Variants in CTDP1 observed in about 807,000 individuals in gnomAD.
The protein encoded by CTDP1 is CTD phosphatase 1.
CTDP1 carries 47 observed loss-of-function variants against 91.8 expected under a neutral mutation model. That is an observed-to-expected ratio of 0.51 (90% confidence interval 0.41 to 0.65). The LOEUF is 0.65. Among genes scored for constraint, CTDP1 ranks in the 30% least tolerant of loss-of-function variants. The probability of loss-of-function intolerance (pLI) is 0.00; values close to 1 mark genes in which losing one functional copy is unlikely to be tolerated. For synonymous variants in CTDP1, 656 were observed against 598.5 expected, an observed-to-expected ratio of 1.10 and a Z score of -1.40; for missense variants, 1,272 against 1,373.7, an observed-to-expected ratio of 0.93 and a Z score of 1.17.
At chr18:79,680,358 C>G in intron 1 of CTDP1, 97 bp downstream of exon 1, 1 of 1,031,232 alleles carries the variant, frequency 9.7e-7, no homozygotes, top group Non-Finnish European at 1.2e-6. Context: ...GGCAGGGGCG[C>G]CCCTGGTGAG....
At chr18:79,701,076 T>C (rs2055989785) in intron 4 of CTDP1, among the ~76,000 whole-genome samples, 2 of 152,230 alleles carry the variant, frequency 1.3e-5, no homozygotes, top group African/African-American at 4.8e-5. Context: ...TTCCTGCTCA[T>C]TGACCATGCA....
chr18:79,714,535 G>C lies in CTDP1; in HGVS notation c.1075G>C (p.Val359Leu), dbSNP rs530388928. The change falls in exon 8 of 13, where the codon GTG becomes CTG. Residue 359 changes from valine to leucine, a missense_variant. Around this residue, in one of 3 missense-constraint regions of CTDP1, gnomAD observed 881 missense variants for 911.6 expected, o/e 0.97. Coordinates refer to ENST00000613122, the MANE Select transcript of CTDP1 (RefSeq NM_004715.5). ...GTEVSEPSPPVRDPEGVTQAP... is the reference protein window; with the variant it reads ...GTEVSEPSPPLRDPEGVTQAP... ...TGAGGTCTCAGAGCCATCTCCGCCC[G>C]TGAGAGACCCTGAGGGGGTAACGCA... 1.9e-6 allele frequency: 3 copies of C among 1,613,158 alleles called. No homozygotes were observed. The highest frequency in any genetic ancestry group is 2.5e-6 in the Non-Finnish European group (3 of 1,180,020).
At chr18:79,687,799 C>G (rs1195185630) in intron 1 of CTDP1, among the ~76,000 whole-genome samples, 1 of 152,218 alleles carries the variant, frequency 6.6e-6, no homozygotes, top group African/African-American at 2.4e-5. Context: ...CCATGGCTCC[C>G]TGGGGTCTGT....
chr18:79,704,497 CAT>C (rs936104431), intron 4 of CTDP1, among the ~76,000 whole-genome samples: 11 of 151,956 alleles, frequency 7.2e-5, no homozygotes, highest in Admixed American at 3.9e-4. Context: ...TACATGCTCA[CAT>C]GTGTCCTCTG....
intron 1 of CTDP1, among the ~76,000 whole-genome samples, chr18:79,684,550 C>T (rs1268124611): frequency 6.6e-6 from 1 of 151,668 alleles, no homozygotes; most frequent in African/African-American, 2.4e-5. Flanking sequence ...CAAGGTGGGT[C>T]CCTGCTCTTG....
At chr18:79,704,010 C>T (rs2085912460) in intron 4 of CTDP1, among the ~76,000 whole-genome samples, 1 of 151,850 alleles carries the variant, frequency 6.6e-6, no homozygotes, top group Admixed American at 6.6e-5. Context: ...CATGTAGTTA[C>T]CGTAGGCTGT....
chr18:79,703,389 C>G (rs941244269), intron 4 of CTDP1, among the ~76,000 whole-genome samples: 1 of 152,062 alleles, frequency 6.6e-6, no homozygotes, highest in Non-Finnish European at 1.5e-5. Flanking sequence ...TTTAAAGGAT[C>G]GAAGTTTAGC....
intron 5 of CTDP1, among the ~76,000 whole-genome samples, chr18:79,708,489 G>A (rs1013752182): frequency 2.6e-5 from 4 of 152,222 alleles, no homozygotes; most frequent in South Asian, 2.1e-4. Flanking sequence ...CGTGTGCCAC[G>A]TGGGGACGTG....
chr18:79,698,344 G>C (rs1450868492), intron 4 of CTDP1, among the ~76,000 whole-genome samples: 3 of 152,216 alleles, frequency 2.0e-5, no homozygotes, highest in Non-Finnish European at 4.4e-5. Flanking sequence ...TCTTGGTGGG[G>C]AGGACGTTGG....
intron 12 of CTDP1, among the ~76,000 whole-genome samples, chr18:79,744,345 C>A (rs1228420060): frequency 6.6e-6 from 1 of 152,222 alleles, no homozygotes. Context: ...AGACCTGACA[C>A]AGATACTTGG....
At chr18:79,705,347 T>C (rs2085946066) in intron 5 of CTDP1, among the ~76,000 whole-genome samples, 1 of 152,170 alleles carries the variant, frequency 6.6e-6, no homozygotes, top group Admixed American at 6.5e-5. Context: ...TCTGTCTCCC[T>C]GGGTGATAGC....
chr18:79,746,313 C>T (rs1205263728), intron 12 of CTDP1, among the ~76,000 whole-genome samples: 3 of 129,528 alleles, frequency 2.3e-5, no homozygotes, highest in Non-Finnish European at 5.0e-5. Context: ...CCCTCCCGTG[C>T]GCGTTCTGTC....
At chr18:79,681,472 T>G in intron 1 of CTDP1, 1 of 985,460 alleles carries the variant, frequency 1.0e-6, no homozygotes. Context: ...TGAGGTTTCA[T>G]TCTGTTCCTC....
At chr18:79,723,389 G>T (rs900328608) in intron 10 of CTDP1, among the ~76,000 whole-genome samples, 5 of 152,148 alleles carry the variant, frequency 3.3e-5, no homozygotes, top group African/African-American at 1.2e-4. Context: ...TTCTGTTCTC[G>T]GAACCCCGTG....
intron 11 of CTDP1, among the ~76,000 whole-genome samples, chr18:79,731,110 T>C (rs1268806545): frequency 6.6e-6 from 1 of 152,064 alleles, no homozygotes; most frequent in East Asian, 1.9e-4. Context: ...TGCCCCCGGG[T>C]GCTCCCTGGA....
chr18:79,743,739 A>G (rs982482514), intron 12 of CTDP1, among the ~76,000 whole-genome samples: 2 of 152,218 alleles, frequency 1.3e-5, no homozygotes, highest in Admixed American at 1.3e-4. Flanking sequence ...CATGAGTCCA[A>G]AATTGATTCT....
At chr18:79,740,797 G>C (rs1245580895) in intron 12 of CTDP1, among the ~76,000 whole-genome samples, 1 of 152,194 alleles carries the variant, frequency 6.6e-6, no homozygotes, top group Non-Finnish European at 1.5e-5. Context: ...TCAGATGCCT[G>C]TTCTATATGC....
rs1222083051 is a variant in CTDP1, at chr18:79,694,281, G to A, written c.315-944G>A. Among the ~76,000 whole-genome samples the A allele has an allele frequency of 1.8e-4, 25 of 137,864 alleles. 2 individuals are homozygous for A. Among genetic ancestry groups the A allele is most frequent in the Admixed American group, 1.7e-3 (24 of 13,944 alleles). 90.4% of individuals were successfully genotyped at this position (137,864 alleles called of 152,430 possible). A position where few individuals can be genotyped will look rare whatever the true frequency, so the allele number is the denominator to read the frequency against. ...GGGCTACAGGCACCTAGGGGTGGGC[G>A]CTGAGTGCTGGGCGGTCTCATGTCC... On this transcript the variant is annotated intron_variant, in intron 1 of 12. Coordinates refer to ENST00000613122, the MANE Select transcript of CTDP1 (RefSeq NM_004715.5).
chr18:79,741,952 A>T (rs1489738039), intron 12 of CTDP1, among the ~76,000 whole-genome samples: 1 of 152,254 alleles, frequency 6.6e-6, no homozygotes, highest in Non-Finnish European at 1.5e-5. Flanking sequence ...ATTAATTTAT[A>T]CATCCCAGAA....
Sources: allele counts gnomAD v4.1 joint callset (sites outside exome capture counted in the v4.1 genomes callset), GRCh38; gene constraint gnomAD v4.1.1; regional missense constraint gnomAD v4.1.1; transcripts MANE v1.5; gene names NCBI Gene and HGNC (gene_info 2026-07-23, HGNC 2026-07-21).